Variants in ERLIN2 observed in about 807,000 individuals in gnomAD.
ERLIN2 encodes the protein ER lipid raft associated 2.
A neutral mutation model predicts 41.5 loss-of-function variants in ERLIN2; 22 were observed. The ratio of observed to expected loss-of-function variants is 0.53; its 90% confidence interval spans 0.38 to 0.76. The LOEUF (loss-of-function observed/expected upper bound fraction) is 0.76, where lower values mean the gene tolerates loss of function less well. ERLIN2 is among the 30% of genes least tolerant of loss of function. The pLI is 0.00. For synonymous variants in ERLIN2, 149 were observed against 150.9 expected (o/e 0.99, Z 0.09); for missense variants, 247 against 414.3 (o/e 0.60, Z 3.51).
At chr8:37,749,204 A>C (rs973457233) in intron 6 of ERLIN2, among the ~76,000 whole-genome samples, 21 of 152,176 alleles carry the variant, frequency 1.4e-4, no homozygotes, top group African/African-American at 4.6e-4. Context: ...GCTATTGTCT[A>C]GGGAAAGGCT....
chr8:37,753,894 T>C (rs780757591), intron 11 of ERLIN2, 21 bp from the exon 12 acceptor site: 2 of 1,596,430 alleles, frequency 1.3e-6, no homozygotes, highest in Non-Finnish European at 1.7e-6. Context: ...AAGTCTTCCA[T>C]ACTTTTTTTT....
chr8:37,746,752 G>A (rs961345937), intron 6 of ERLIN2, among the ~76,000 whole-genome samples: 2 of 152,130 alleles, frequency 1.3e-5, no homozygotes, highest in Admixed American at 1.3e-4. Flanking sequence ...AGTCTGACAT[G>A]GGATGGCTCA....
At chr8:37,746,999 G>A (rs980420471) in intron 6 of ERLIN2, among the ~76,000 whole-genome samples, 3 of 152,140 alleles carry the variant, frequency 2.0e-5, no homozygotes, top group Non-Finnish European at 4.4e-5. Context: ...TATTAACTTT[G>A]AAGAAAGAAT....
intron 1 of ERLIN2, 126 bp downstream of exon 1, chr8:37,736,804 G>A (rs892686087): frequency 2.3e-5 from 23 of 986,012 alleles, no homozygotes; most frequent in Non-Finnish European, 2.7e-5. Context: ...CGCTCCTGGA[G>A]AGAGACAGAA....
intron 2 of ERLIN2, among the ~76,000 whole-genome samples, chr8:37,739,240 T>TA (rs1302183056): frequency 1.3e-5 from 2 of 152,232 alleles, no homozygotes; most frequent in Non-Finnish European, 2.9e-5. Flanking sequence ...ATCATCTGCT[T>TA]ACATGTTCCC....
In ERLIN2 at chr8:37,751,643, C is replaced by T. The variant is rs774889038; in HGVS notation, c.667C>T (p.Gln223Ter). ...TTATTCAGAGGCAGAAAAAGTGGCC[C>T]AGGTGGCTGAGATCACCTACGGGCA... ...KALIEAEKVA[Q>*]VAEITYGQKV... The change falls in exon 10 of 12, where the codon CAG (glutamine) becomes TAG (stop). Residue 223 changes from glutamine to a stop codon, truncating the protein, a stop_gained. Transcript: ENST00000519638. LOFTEE classifies it high-confidence loss of function. 1.2e-6 allele frequency: 2 copies of T among 1,613,508 alleles called. No individual in the cohort carries two copies. The highest frequency in any genetic ancestry group is 1.3e-5 in the African/African-American group (1 of 74,904).
chr8:37,743,828 A>G (rs533359044), intron 4 of ERLIN2, among the ~76,000 whole-genome samples: 1 of 152,292 alleles, frequency 6.6e-6, no homozygotes, highest in Admixed American at 6.5e-5. Flanking sequence ...AATAAGGTAA[A>G]ATGTTATCAG....
At chr8:37,745,019 TC>T (rs963922099) in intron 6 of ERLIN2, 1 of 596,928 alleles carries the variant, frequency 1.7e-6, no homozygotes, top group South Asian at 2.1e-5. Flanking sequence ...GAAGACAAGG[TC>T]CATTCTAGAA....
chr8:37,738,765 A>G (rs1802748346), intron 2 of ERLIN2, among the ~76,000 whole-genome samples: 1 of 152,042 alleles, frequency 6.6e-6, no homozygotes, highest in South Asian at 2.1e-4. Context: ...CGTGCCTGTA[A>G]TCCCAGTTAT....
chr8:37,747,323 A>G (rs1173777679), intron 6 of ERLIN2: 3 of 1,134,340 alleles, frequency 2.6e-6, no homozygotes, highest in African/African-American at 1.5e-5. Context: ...TAGGGCTCAG[A>G]AAAAAAGCCT....
At chr8:37,747,974 A>AT in intron 6 of ERLIN2, 2 of 1,614,230 alleles carry the variant, frequency 1.2e-6, no homozygotes, top group Non-Finnish European at 1.7e-6. Context: ...GTGTCAGAGC[A>AT]GACTACTGAC....
At chr8:37,743,500 T>C (rs1173746823) in intron 4 of ERLIN2, among the ~76,000 whole-genome samples, 2 of 152,168 alleles carry the variant, frequency 1.3e-5, no homozygotes, top group African/African-American at 4.8e-5. Flanking sequence ...CCCACCCTTA[T>C]GACCTGTTTA....
At chr8:37,751,081 T>C (rs1563317030) in intron 9 of ERLIN2, among the ~76,000 whole-genome samples, 1 of 152,258 alleles carries the variant, frequency 6.6e-6, no homozygotes, top group Non-Finnish European at 1.5e-5. Flanking sequence ...CACATACTTT[T>C]CTAACCACTT....
chr8:37,747,720 CTT>C, intron 6 of ERLIN2: 1 of 1,583,340 alleles, frequency 6.3e-7, no homozygotes, highest in Non-Finnish European at 8.7e-7. Flanking sequence ...GCAGTCCACA[CTT>C]TGCACATTTC....
intron 1 of ERLIN2, chr8:37,736,927 A>C: frequency 1.0e-6 from 1 of 985,878 alleles, no homozygotes; most frequent in Non-Finnish European, 1.2e-6. Context: ...GGGGCGGGGA[A>C]GGGGCGCGAG....
chr8:37,742,187 A>C (rs1802874192), intron 4 of ERLIN2, among the ~76,000 whole-genome samples: 1 of 151,958 alleles, frequency 6.6e-6, no homozygotes, highest in Non-Finnish European at 1.5e-5. Flanking sequence ...ACTAAAATAC[A>C]AAAATTAGCT....
In ERLIN2 at chr8:37,741,126, T is replaced by C. The variant is rs1337925528; in HGVS notation, c.190-646T>C. The stretch of plus-strand genomic sequence containing the variant: ...AGAATGGGCTGAGCATGTGCTAGGG[T>C]CTGAGACAGGTTAAATAGGTAATCT... On this transcript the variant is annotated intron_variant, in intron 3 of 11. Coordinates refer to ENST00000519638, the MANE Select transcript of ERLIN2 (RefSeq NM_007175.8). This position sits in a 1 kb window ranked among gnomAD's most constrained non-coding sequence, Gnocchi z 4.8. 1.3e-5 allele frequency among the ~76,000 whole-genome samples: 2 copies of C among 152,132 alleles called. No homozygotes were observed. Among genetic ancestry groups the C allele is most frequent in the Non-Finnish European group, 2.9e-5 (2 of 68,028 alleles).
intron 5 of ERLIN2, 57 bp from the exon 6 acceptor site, chr8:37,744,514 C>A: frequency 4.3e-6 from 7 of 1,612,988 alleles, no homozygotes; most frequent in Non-Finnish European, 5.9e-6. Flanking sequence ...GCTGCCGTGT[C>A]TGAGGGCATT....
intron 1 of ERLIN2, 120 bp from the exon 2 acceptor site, chr8:37,737,788 A>T: frequency 8.5e-7 from 1 of 1,173,828 alleles, no homozygotes. Context: ...TTGTGTTCAC[A>T]CGACACCAGG....
Sources: allele counts gnomAD v4.1 joint callset (sites outside exome capture counted in the v4.1 genomes callset), GRCh38; gene constraint gnomAD v4.1.1; non-coding constraint Gnocchi (gnomAD v3.1); transcripts MANE v1.5; gene names NCBI Gene and HGNC (gene_info 2026-07-23, HGNC 2026-07-21).